Variants in ZKSCAN7 observed in about 807,000 individuals in gnomAD.
ZKSCAN7 encodes zinc finger with KRAB and SCAN domains 7.
Under a neutral mutation model 65.3 loss-of-function variants are expected in ZKSCAN7, and 38 were observed. The ratio of observed to expected loss-of-function variants is 0.58; its 90% confidence interval spans 0.45 to 0.76. The LOEUF is 0.76. ZKSCAN7 is among the 30% of genes least tolerant of loss of function. ZKSCAN7 has a pLI of 0.00. For missense variants in ZKSCAN7, 815 were observed against 913.3 expected, an observed-to-expected ratio of 0.89 and a Z score of 1.39; for synonymous variants, 321 against 321.0, an observed-to-expected ratio of 1.00 and a Z score of 0.00.
At position 44,571,746 on chromosome 3, in the gene ZKSCAN7, C is replaced by A; in HGVS notation, c.*371C>A. 9.6e-7 allele frequency: 1 copy of A among 1,040,106 alleles called. No individual in the cohort carries two copies. Among genetic ancestry groups the A allele is most frequent in the Non-Finnish European group, 1.2e-6 (1 of 863,018 alleles). 64.4% of individuals were successfully genotyped at this position (1,040,106 alleles called of 1,614,324 possible). Reference sequence around the variant, plus strand: ...CTCCATTTCACCATTTATACAAAGTCATTCAAAAAGGCTGATTCATGCCTT... The same window carrying A: ...CTCCATTTCACCATTTATACAAAGTAATTCAAAAAGGCTGATTCATGCCTT... On this transcript the variant is annotated 3_prime_UTR_variant, in exon 6 of 6. Transcript: ENST00000426540.
chr3:44,578,072 TATATC>T (rs1400377950), intron 5 of ZKSCAN7, among the ~76,000 whole-genome samples: 1 of 152,200 alleles, frequency 6.6e-6, no homozygotes, highest in Non-Finnish European at 1.5e-5. Flanking sequence ...TAGATTTCAT[TATATC>T]ATATCCGGAC....
At chr3:44,581,000 G>A in intron 5 of ZKSCAN7, 1 of 1,608,462 alleles carries the variant, frequency 6.2e-7, no homozygotes, top group Non-Finnish European at 8.5e-7. Context: ...GGAATTTCCT[G>A]CACGGGTTCT....
At chr3:44,583,470 G>A (rs1339414946) in exon 6 of ZKSCAN7, 2 of 152,226 alleles carry the variant, frequency 1.3e-5, no homozygotes, top group Non-Finnish European at 2.9e-5. Flanking sequence ...GTCAATTGAC[G>A]AAGTACTTCA....
rs140376138 is a variant in ZKSCAN7 at position 44,566,433 on chromosome 3, T to C, written c.592+778T>C. Among the ~76,000 whole-genome samples, 3 of 152,128 alleles carry C rather than the reference T, an allele frequency of 2.0e-5. No homozygotes were observed. In the East Asian group the frequency reaches 5.8e-4, roughly 29 times the overall value. ...TTAAAGGCTGGTGCGGTAGAATAGA[T>C]GTGATTAATGCCTGAAGTGCAAAGA... is the stretch of plus-strand genomic sequence containing the variant. On this transcript the variant is annotated intron_variant, in intron 3 of 5. Transcript: ENST00000426540.
At chr3:44,580,871 CAGG>C in intron 5 of ZKSCAN7, 1 of 1,613,564 alleles carries the variant, frequency 6.2e-7, no homozygotes, top group East Asian at 2.2e-5. Flanking sequence ...CATCTGGAGC[CAGG>C]AGGAGCCAAC....
At chr3:44,564,568 T>C (rs974676448) in intron 2 of ZKSCAN7, among the ~76,000 whole-genome samples, 3 of 152,230 alleles carry the variant, frequency 2.0e-5, no homozygotes, top group African/African-American at 7.2e-5. Context: ...AATTGGTTAA[T>C]TGAGTCTGAC....
chr3:44,571,162 C>T lies in ZKSCAN7; in HGVS notation c.2052C>T (p.Thr684=). 3 of 1,614,110 alleles carry T rather than the reference C, an allele frequency of 1.9e-6. No homozygotes were observed. Among genetic ancestry groups the T allele is most frequent in the Non-Finnish European group, 2.5e-6 (3 of 1,180,018 alleles). The part of the protein sequence containing the change: ...YSSSLMVHQR[T]HTGEKPYKCN... Reference sequence around the variant, plus strand: ...CCAGCCTTATGGTACATCAGAGAACCCATACTGGGGAAAAACCCTATAAAT... The same window carrying T: ...CCAGCCTTATGGTACATCAGAGAACTCATACTGGGGAAAAACCCTATAAAT... Residue 684 remains threonine, a synonymous_variant, in exon 6 of 6, where the codon ACC becomes ACT. Transcript: ENST00000426540.
intron 3 of ZKSCAN7, among the ~76,000 whole-genome samples, chr3:44,565,947 T>C (rs1699619821): frequency 6.6e-6 from 1 of 152,178 alleles, no homozygotes; most frequent in Admixed American, 6.5e-5. Flanking sequence ...GTAGGATGAG[T>C]TAGTCATGTG....
At chr3:44,563,627 C>T (rs1172370073) in intron 2 of ZKSCAN7, among the ~76,000 whole-genome samples, 1 of 142,072 alleles carries the variant, frequency 7.0e-6, no homozygotes, top group African/African-American at 2.7e-5. Context: ...ATTACAAGAA[C>T]AGCAAGGGGG....
rs1170037310 is a variant in ZKSCAN7, at chr3:44,570,169, A to G, written c.1059A>G (p.Arg353=). 2 of 1,614,112 alleles carry G rather than the reference A, an allele frequency of 1.2e-6. No individual in the cohort carries two copies. The highest frequency in any genetic ancestry group is 1.7e-6 in the Non-Finnish European group (2 of 1,180,046). The change falls in exon 6 of 6, where the codon AGA becomes AGG. Residue 353 remains arginine, a synonymous_variant. Coordinates refer to ENST00000426540, the MANE Select transcript of ZKSCAN7 (RefSeq NM_001288590.2). ...DEDKKKSTKD[R]YDKYKEVGEH... is the part of the protein sequence containing the mutation. ...ATAAGAAAAAATCCACAAAAGACAG[A>G]TATGACAAATATAAGGAAGTTGGGG...
At position 44,570,224 on chromosome 3, in the gene ZKSCAN7, G is replaced by A. The variant is rs1474866158; in HGVS notation, c.1114G>A (p.Glu372Lys). Residue 372 changes from glutamate to lysine, a missense_variant, in exon 6 of 6, where the codon GAA (glutamate) becomes AAA (lysine). Glu to Lys is a moderately conservative substitution (Grantham distance 56). This residue lies in a region of ZKSCAN7 where 578 missense variants were observed against 629.5 expected (regional missense o/e 0.92). Coordinates refer to ENST00000426540, the MANE Select transcript of ZKSCAN7 (RefSeq NM_001288590.2). ...TCCACCTCTGTCTTCCAGTCCTGTT[G>A]AACATGAAGGAGTTTTAAAGGGACA... ...EHPPLSSSPVEHEGVLKGQKS... is the reference protein window; with the variant it reads ...EHPPLSSSPVKHEGVLKGQKS... 3 of 1,614,242 alleles carry A rather than the reference G, an allele frequency of 1.9e-6. No individual in the cohort carries two copies.
chr3:44,577,165 A>G (rs1447312786), intron 5 of ZKSCAN7, among the ~76,000 whole-genome samples: 4 of 152,104 alleles, frequency 2.6e-5, no homozygotes, highest in African/African-American at 7.2e-5. Flanking sequence ...CAGGAGTCTT[A>G]CTATGTTGCC....
chr3:44,562,844 C>A (rs909254023), intron 2 of ZKSCAN7, among the ~76,000 whole-genome samples: 1 of 152,070 alleles, frequency 6.6e-6, no homozygotes, highest in African/African-American at 2.4e-5. Flanking sequence ...GCGGCGGGTG[C>A]CTGTAGTCCC....
At chr3:44,576,656 C>T (rs911464179), downstream of ZKSCAN7, among the ~76,000 whole-genome samples, 15 of 152,312 alleles carry the variant, frequency 9.8e-5, no homozygotes, top group South Asian at 3.1e-3. Context: ...ATGGATTTCC[C>T]TTTACATTCC....
chr3:44,571,615 A>C lies in ZKSCAN7; in HGVS notation c.*240A>C, dbSNP rs1699812781. ...TTTCCTTTTTTTTTCTTTACTTTTA[A>C]ATTTTAACTTTTAAAATCTATTTCA... is the stretch of plus-strand genomic sequence containing the variant. On this transcript the variant is annotated 3_prime_UTR_variant, in exon 6 of 6. Transcript: ENST00000426540. 1.5e-6 allele frequency: 2 copies of C among 1,342,484 alleles called. No homozygotes were observed. The highest frequency in any genetic ancestry group is 1.5e-5 in the African/African-American group (1 of 67,824). The allele number at this position is 1,342,484 out of a possible 1,614,324, so 83.2% of individuals were successfully genotyped here. A position where few individuals can be genotyped will look rare whatever the true frequency, so the allele number is the denominator to read the frequency against.
At chr3:44,563,125 A>G (rs1699530956) in intron 2 of ZKSCAN7, among the ~76,000 whole-genome samples, 1 of 152,106 alleles carries the variant, frequency 6.6e-6, no homozygotes, top group Non-Finnish European at 1.5e-5. Context: ...AGTTCCCAAT[A>G]TGTTTTTCAT....
chr3:44,568,292 A>G lies in ZKSCAN7; in HGVS notation c.685-15A>G, dbSNP rs1486714055. On this transcript the variant is annotated splice_polypyrimidine_tract_variant and intron_variant, in intron 4 of 5. Transcript: ENST00000426540. ...GCTGTGAATGTTCCTGAGCGATTGG[A>G]GCTTGTCATTCCAGGATACTGTGGC... The G allele has an allele frequency of 6.2e-7, 1 of 1,610,284 alleles. No individual in the cohort carries two copies. The highest frequency in any genetic ancestry group is 8.5e-7 in the Non-Finnish European group (1 of 1,178,448).
chr3:44,561,574 A>G (rs556981767), intron 2 of ZKSCAN7, among the ~76,000 whole-genome samples: 1 of 152,242 alleles, frequency 6.6e-6, no homozygotes, highest in Non-Finnish European at 1.5e-5. Context: ...AGACAGGGTA[A>G]GTCCCTTCCA....
intron 4 of ZKSCAN7, 111 bp downstream of exon 4, chr3:44,568,114 C>G: frequency 6.6e-7 from 1 of 1,523,288 alleles, no homozygotes; most frequent in Non-Finnish European, 8.9e-7. Context: ...CTGTGGCTCT[C>G]CTGCCTCATT....
Sources: allele counts gnomAD v4.1 joint callset (sites outside exome capture counted in the v4.1 genomes callset), GRCh38; gene constraint gnomAD v4.1.1; regional missense constraint gnomAD v4.1.1; transcripts MANE v1.5; gene names NCBI Gene and HGNC (gene_info 2026-07-23, HGNC 2026-07-21).